Variants in GUCY1A1 observed in about 807,000 individuals in gnomAD.
GUCY1A1 encodes guanylate cyclase 1 soluble subunit alpha 1, also known as guanylate cyclase soluble subunit alpha-1.
A neutral mutation model predicts 64.5 loss-of-function variants in GUCY1A1; 48 were observed. The ratio of observed to expected loss-of-function variants is 0.74; its 90% CI spans 0.59 to 0.95. The LOEUF (loss-of-function observed/expected upper bound fraction) is 0.95, where lower values mean the gene tolerates loss of function less well. GUCY1A1 is among the 40% of genes least tolerant of loss of function. GUCY1A1 has a pLI of 0.00. For synonymous variants in GUCY1A1, 308 were observed against 303.4 expected (o/e 1.02, Z -0.16); for missense variants, 804 against 825.3 (o/e 0.97, Z 0.32).
intron 2 of GUCY1A1, among the ~76,000 whole-genome samples, chr4:155,679,294 C>T (rs559831570): frequency 1.3e-5 from 2 of 151,780 alleles, no homozygotes; most frequent in East Asian, 1.9e-4. Flanking sequence ...CTTAGGTTTA[C>T]GATTTGTCGT....
At chr4:155,707,922 C>T (rs72687510) in intron 4 of GUCY1A1, among the ~76,000 whole-genome samples, 1,769 of 151,308 alleles carry the variant, frequency 0.012, 19 homozygotes, top group Non-Finnish European at 0.019. Context: ...ACCTCTGCCC[C>T]GCCAGGTCCC....
intron 9 of GUCY1A1, among the ~76,000 whole-genome samples, chr4:155,725,892 T>C (rs1367051935): frequency 1.3e-5 from 2 of 152,146 alleles, no homozygotes; most frequent in East Asian, 1.9e-4. Context: ...TTTAAATAAA[T>C]TTTTTATTAC....
chr4:155,697,043 T>C lies in GUCY1A1; in HGVS notation c.176T>C (p.Leu59Pro), dbSNP rs777498055. 4.3e-6 allele frequency: 7 copies of C among 1,613,068 alleles called. No homozygotes were observed. In the Admixed American group the frequency reaches 1.0e-4, roughly 23 times the overall value. ...DIPEKNIQES[L>P]PQRKTSRSRV... is the part of the protein sequence containing the mutation. The stretch of plus-strand genomic sequence containing the variant: ...CCTGAGAAGAACATACAAGAAAGTC[T>C]TCCTCAAAGAAAAACCAGTCGGAGC... Residue 59 changes from leucine (L) to proline (P), a missense_variant, in exon 3 of 10, where the codon CTT becomes CCT. Transcript: ENST00000506455.
chr4:155,705,182 C>T (rs569731866), intron 4 of GUCY1A1, among the ~76,000 whole-genome samples: 2 of 152,322 alleles, frequency 1.3e-5, no homozygotes, highest in East Asian at 1.9e-4. Context: ...TGCGCCACTG[C>T]GCCTTGTCTC....
At chr4:155,693,940 A>G (rs1460618599) in intron 2 of GUCY1A1, among the ~76,000 whole-genome samples, 2 of 152,226 alleles carry the variant, frequency 1.3e-5, no homozygotes, top group Non-Finnish European at 2.9e-5. Flanking sequence ...TATAAACTAT[A>G]TTATGGCAAA....
At position 155,735,408 on chromosome 4, in the gene GUCY1A1, AT is replaced by A. The variant is rs1207246676; in HGVS notation, c.*5178del. ...TCATCATAAACTTAGTTTTATGAAA[AT>A]GTTAATATCTTGGATTTAAACATTG... On this transcript the variant is annotated 3_prime_UTR_variant, in exon 10 of 10. Coordinates refer to ENST00000506455, the MANE Select transcript of GUCY1A1 (RefSeq NM_001130682.3). 1 of 151,998 alleles carries A rather than the reference AT, an allele frequency of 6.6e-6. No individual in the cohort carries two copies. The highest frequency in any genetic ancestry group is 1.5e-5 in the Non-Finnish European group (1 of 67,940). 9.4% of individuals were successfully genotyped at this position (151,998 alleles called of 1,614,324 possible).
intron 2 of GUCY1A1, among the ~76,000 whole-genome samples, chr4:155,670,242 A>G (rs1325742143): frequency 6.6e-6 from 1 of 152,212 alleles, no homozygotes; most frequent in Non-Finnish European, 1.5e-5. Context: ...TTTTCTGCAC[A>G]TTTGTAAAAA....
intron 8 of GUCY1A1, among the ~76,000 whole-genome samples, chr4:155,718,766 G>A (rs1275860447): frequency 6.6e-6 from 1 of 152,104 alleles, no homozygotes; most frequent in Non-Finnish European, 1.5e-5. Context: ...CTTAGTCTTG[G>A]AAGACACACC....
chr4:155,702,641 C>A (rs1731242045), intron 3 of GUCY1A1, among the ~76,000 whole-genome samples: 1 of 152,136 alleles, frequency 6.6e-6, no homozygotes, highest in Admixed American at 6.5e-5. Context: ...TATATCTGAA[C>A]AGTCTGAAAA....
intron 2 of GUCY1A1, among the ~76,000 whole-genome samples, chr4:155,682,676 G>GA (rs1048657937): frequency 7.1e-6 from 1 of 140,914 alleles, no homozygotes; most frequent in Middle Eastern, 3.5e-3. Context: ...CATCTCAAAA[G>GA]AAAAAAAAAG....
rs1735743263 is a variant in GUCY1A1, at chr4:155,733,325, A to G, written c.*3094A>G. On this transcript the variant is annotated 3_prime_UTR_variant, in exon 10 of 10. Transcript: ENST00000506455. ...TCATCAAGCAGAGAAGGGGAAGGACATGGTCCAGGAAAATAAATCAGCACA... is the reference window on the plus strand; with the variant it reads ...TCATCAAGCAGAGAAGGGGAAGGACGTGGTCCAGGAAAATAAATCAGCACA... Among the ~76,000 whole-genome samples, 1 of 151,708 alleles carries G rather than the reference A, an allele frequency of 6.6e-6. No homozygotes were observed. The highest frequency in any genetic ancestry group is 2.1e-4 in the South Asian group (1 of 4,814).
intron 2 of GUCY1A1, among the ~76,000 whole-genome samples, chr4:155,688,409 T>C (rs1729302073): frequency 6.6e-6 from 1 of 152,208 alleles, no homozygotes; most frequent in South Asian, 2.1e-4. Flanking sequence ...GGAGAAATTA[T>C]GATGTCATGT....
At chr4:155,690,297 G>A (rs1454171396) in intron 2 of GUCY1A1, among the ~76,000 whole-genome samples, 1 of 152,118 alleles carries the variant, frequency 6.6e-6, no homozygotes, top group Non-Finnish European at 1.5e-5. Context: ...CAGTAGCCCA[G>A]GCCTGCGGAT....
In GUCY1A1 at chr4:155,734,842, T is replaced by C. The variant is rs935529123; in HGVS notation, c.*4611T>C. ...CAAAATTGAGTGTTAGAGTTTATGG[T>C]CTCTGTTATGATACTTTTCAAGACC... is the stretch of plus-strand genomic sequence containing the variant. On this transcript the variant is annotated 3_prime_UTR_variant, in exon 10 of 10. Coordinates refer to ENST00000506455, the MANE Select transcript of GUCY1A1 (RefSeq NM_001130682.3). 1.1e-4 allele frequency: 16 copies of C among 151,946 alleles called. No individual in the cohort carries two copies. The highest frequency in any genetic ancestry group is 2.4e-4 in the Non-Finnish European group (16 of 67,924). The allele number at this position is 151,946 out of a possible 1,614,324, so 9.4% of individuals were successfully genotyped here. A position where few individuals can be genotyped will look rare whatever the true frequency, so the allele number is the denominator to read the frequency against.
chr4:155,687,138 G>T (rs1304042540), intron 2 of GUCY1A1, among the ~76,000 whole-genome samples: 1 of 152,148 alleles, frequency 6.6e-6, no homozygotes, highest in Non-Finnish European at 1.5e-5. Context: ...GAATAAAATT[G>T]TCAATCATTT....
intron 3 of GUCY1A1, among the ~76,000 whole-genome samples, chr4:155,701,516 G>A (rs1731080465): frequency 6.6e-6 from 1 of 152,150 alleles, no homozygotes; most frequent in East Asian, 1.9e-4. Flanking sequence ...AAAGGTAAAA[G>A]AGTATACCCA....
At position 155,668,633 on chromosome 4, in the gene GUCY1A1, C is replaced by T. The variant is rs79472290; in HGVS notation, c.-113+1214C>T. ...GATATAATTTTTTTTTATCTTGGTT[C>T]AGAGTGTAGAAGTGGTCTGTTGCTT... On this transcript the variant is annotated intron_variant, in intron 2 of 9. Coordinates refer to ENST00000506455, the MANE Select transcript of GUCY1A1 (RefSeq NM_001130682.3). Among the ~76,000 whole-genome samples the T allele has an allele frequency of 8.8e-3, 1,345 of 152,084 alleles. 9 individuals carry two copies. The highest frequency in any genetic ancestry group is 0.024 in the South Asian group (114 of 4,810).
intron 2 of GUCY1A1, among the ~76,000 whole-genome samples, chr4:155,679,434 T>G (rs1308374206): frequency 6.6e-6 from 1 of 152,176 alleles, no homozygotes; most frequent in Non-Finnish European, 1.5e-5. Context: ...AGTGAGAGCA[T>G]GAGGCTGCTT....
chr4:155,723,733 C>A (rs957600392), intron 9 of GUCY1A1, among the ~76,000 whole-genome samples: 1 of 151,784 alleles, frequency 6.6e-6, no homozygotes, highest in Non-Finnish European at 1.5e-5. Context: ...CTCAGTCTTG[C>A]CTCACTGCAA....
Sources: gnomAD v4.1 joint callset for allele counts (sites outside exome capture counted in the v4.1 genomes callset) on GRCh38, gnomAD v4.1.1 for gene constraint, MANE v1.5 for transcripts, NCBI Gene and HGNC (gene_info 2026-07-23, HGNC 2026-07-21) for gene names.